Variants in ZWILCH observed in about 807,000 individuals in gnomAD.
ZWILCH encodes protein zwilch homolog.
A neutral mutation model predicts 79.9 loss-of-function variants in ZWILCH; 74 were observed. The observed-to-expected ratio is 0.93, with a 90% confidence interval of 0.77 to 1.12. ZWILCH has a LOEUF of 1.12. Ranked by LOEUF, ZWILCH falls within the 50% of genes most tolerant of loss-of-function variation. The pLI is 0.00. For missense variants in ZWILCH, 694 were observed against 687.5 expected (o/e 1.01, Z -0.11); for synonymous variants, 241 against 228.2 (o/e 1.06, Z -0.51).
chr15:66,536,358 A>G (rs935292896), intron 15 of ZWILCH, among the ~76,000 whole-genome samples: 1 of 152,198 alleles, frequency 6.6e-6, no homozygotes, highest in African/African-American at 2.4e-5. Context: ...GTATTCGTAA[A>G]TACTAGTTCC....
At chr15:66,518,628 C>T (rs368972634) in intron 4 of ZWILCH, among the ~76,000 whole-genome samples, 5 of 152,168 alleles carry the variant, frequency 3.3e-5, no homozygotes, top group Non-Finnish European at 5.9e-5. Flanking sequence ...GCCTGAGCAA[C>T]ACTGCAAGAC....
intron 4 of ZWILCH, 24 bp downstream of exon 4, chr15:66,515,668 A>G: frequency 6.8e-7 from 1 of 1,480,870 alleles, no homozygotes; most frequent in Non-Finnish European, 9.4e-7. Flanking sequence ...TATGCTGAGT[A>G]GGGGTGGCAA....
In ZWILCH at chr15:66,509,008, C is replaced by T. The variant is rs561297336; in HGVS notation, c.105+116C>T. On this transcript the variant is annotated intron_variant, in intron 2 of 18. Transcript: ENST00000307897. Reference sequence around the variant, plus strand: ...AGGCTGGAGTGCAGTGGCGCGATCTCGGCTCACTGCAAGCTCCGGCTCCCG... The same window carrying T: ...AGGCTGGAGTGCAGTGGCGCGATCTTGGCTCACTGCAAGCTCCGGCTCCCG... 90 of 1,086,316 alleles carry T rather than the reference C, an allele frequency of 8.3e-5. 1 individual carries two copies. In the African/African-American group the frequency reaches 1.1e-3, roughly 13 times the overall value. 67.3% of individuals were successfully genotyped at this position (1,086,316 alleles called of 1,614,324 possible).
At chr15:66,515,384 C>G in intron 3 of ZWILCH, 142 bp from the exon 4 acceptor site, 1 of 605,694 alleles carries the variant, frequency 1.7e-6, no homozygotes, top group East Asian at 3.1e-5. Flanking sequence ...GCTATTCTTG[C>G]CAAAACCCAA....
chr15:66,545,570 C>G (rs1438586692), intron 17 of ZWILCH, among the ~76,000 whole-genome samples: 2 of 152,150 alleles, frequency 1.3e-5, no homozygotes, highest in African/African-American at 4.8e-5. Flanking sequence ...TCCAGTGACT[C>G]CTTTTATGAA....
At chr15:66,537,421 T>C (rs1375441501) in intron 16 of ZWILCH, among the ~76,000 whole-genome samples, 158 bp downstream of exon 16, 1 of 151,984 alleles carries the variant, frequency 6.6e-6, no homozygotes, top group East Asian at 1.9e-4. Flanking sequence ...CTGGGCGTGG[T>C]GGCTCACACC....
chr15:66,527,763 A>G, intron 9 of ZWILCH, 94 bp from the exon 10 acceptor site: 1 of 1,071,904 alleles, frequency 9.3e-7, no homozygotes, highest in Admixed American at 2.4e-5. Flanking sequence ...TTAGACTTCT[A>G]CTGTCCCCAT....
chr15:66,548,692 T>C lies in ZWILCH; in HGVS notation c.*368T>C. 1 of 576,308 alleles carries C rather than the reference T, an allele frequency of 1.7e-6. No homozygotes were observed. Among genetic ancestry groups the C allele is most frequent in the Non-Finnish European group, 3.1e-6 (1 of 326,234 alleles). The allele number at this position is 576,308 out of a possible 1,614,324, so 35.7% of individuals were successfully genotyped here. ...TTTATCCCAAAAGCTTTAACTGTATTGGGAAAACTTAAAAAATAGCATCCT... is the reference window on the plus strand; with the variant it reads ...TTTATCCCAAAAGCTTTAACTGTATCGGGAAAACTTAAAAAATAGCATCCT... On this transcript the variant is annotated 3_prime_UTR_variant, in exon 19 of 19. Transcript: ENST00000307897.
chr15:66,510,286 C>T (rs2140738146), intron 2 of ZWILCH, among the ~76,000 whole-genome samples: 1 of 151,068 alleles, frequency 6.6e-6, no homozygotes, highest in South Asian at 2.1e-4. Flanking sequence ...ACTAGAGAGG[C>T]TGAGGCAGGA....
chr15:66,513,079 G>A (rs1487572009), intron 2 of ZWILCH, among the ~76,000 whole-genome samples: 1 of 151,536 alleles, frequency 6.6e-6, no homozygotes, highest in Non-Finnish European at 1.5e-5. Context: ...ACAGGCATGA[G>A]CCACTGTGCC....
At chr15:66,506,917 T>G (rs1595899920) in intron 1 of ZWILCH, among the ~76,000 whole-genome samples, 1 of 150,960 alleles carries the variant, frequency 6.6e-6, no homozygotes, top group African/African-American at 2.4e-5. Context: ...AGTGCAGTGG[T>G]GCGATTTTGG....
intron 2 of ZWILCH, among the ~76,000 whole-genome samples, 187 bp downstream of exon 2, chr15:66,509,079 A>G (rs961717499): frequency 6.6e-6 from 1 of 152,074 alleles, no homozygotes; most frequent in Non-Finnish European, 1.5e-5. Flanking sequence ...AGCTGGAACT[A>G]CAGGTGCCTG....
At chr15:66,527,420 T>A in intron 9 of ZWILCH, 37 bp downstream of exon 9, 4 of 1,475,024 alleles carry the variant, frequency 2.7e-6, no homozygotes, top group Non-Finnish European at 3.8e-6. Flanking sequence ...AATTTATACT[T>A]GCTATGTTTA....
chr15:66,513,641 G>T (rs899468567), intron 2 of ZWILCH, among the ~76,000 whole-genome samples: 2 of 150,098 alleles, frequency 1.3e-5, no homozygotes, highest in African/African-American at 4.9e-5. Flanking sequence ...GCACGATCTC[G>T]GCTCACTGCA....
intron 17 of ZWILCH, among the ~76,000 whole-genome samples, chr15:66,545,094 TG>T (rs1261156289): frequency 6.8e-6 from 1 of 147,670 alleles, no homozygotes; most frequent in Non-Finnish European, 1.5e-5. Context: ...GGCTCACACC[TG>T]TAATCCCAGC....
intron 12 of ZWILCH, 104 bp downstream of exon 12, chr15:66,529,677 A>T: frequency 1.2e-6 from 1 of 843,382 alleles, no homozygotes; most frequent in Non-Finnish European, 1.9e-6. Flanking sequence ...CAGCTCTGCT[A>T]CTTTCTAGCT....
intron 12 of ZWILCH, 59 bp downstream of exon 12, chr15:66,529,632 A>T: frequency 7.4e-7 from 1 of 1,353,766 alleles, no homozygotes; most frequent in Non-Finnish European, 1.0e-6. Flanking sequence ...ATGTAAAGAC[A>T]CAGGCTCTGA....
Position 66,518,887 on chromosome 15 carries a change from T to C in ZWILCH, c.329T>C (p.Ile110Thr). Residue 110 changes from isoleucine (I) to threonine (T), a missense_variant, in exon 5 of 19, where the codon ATT (isoleucine) becomes ACT (threonine). Coordinates refer to ENST00000307897, the MANE Select transcript of ZWILCH (RefSeq NM_017975.5). ...TTACTCTTGTTTTAAAGGCAGTTAATTGGACTTTACACCATGGCTCACAAT... is the reference window on the plus strand; with the variant it reads ...TTACTCTTGTTTTAAAGGCAGTTAACTGGACTTTACACCATGGCTCACAAT... ...ALPVGKARQL[I>T]GLYTMAHNPN... 1.2e-6 allele frequency: 2 copies of C among 1,614,136 alleles called. No individual in the cohort carries two copies. Among genetic ancestry groups the C allele is most frequent in the Non-Finnish European group, 1.7e-6 (2 of 1,179,950 alleles).
chr15:66,528,226 C>T (rs918804546), intron 10 of ZWILCH, among the ~76,000 whole-genome samples: 1 of 152,168 alleles, frequency 6.6e-6, no homozygotes, highest in Non-Finnish European at 1.5e-5. Flanking sequence ...ACCTCAGGTC[C>T]CCGAGTAGCT....
Sources: gnomAD v4.1 joint callset for allele counts (sites outside exome capture counted in the v4.1 genomes callset) on GRCh38, gnomAD v4.1.1 for gene constraint, MANE v1.5 for transcripts, NCBI Gene and HGNC (gene_info 2026-07-23, HGNC 2026-07-21) for gene names.